CCDC12: variants seen among roughly 807,000 people sequenced by gnomAD.
The protein encoded by CCDC12 is coiled-coil domain-containing protein 12.
CCDC12 carries 28 observed loss-of-function variants against 25.7 expected under a neutral mutation model. That is an observed-to-expected ratio of 1.09 (90% CI 0.81 to 1.50). The LOEUF is 1.50. CCDC12 is among the 40% of genes most tolerant of loss of function. CCDC12 has a pLI of 0.00. For missense variants in CCDC12, 198 were observed against 210.0 expected (o/e 0.94, Z 0.35); for synonymous variants, 75 against 87.7 (o/e 0.86, Z 0.81).
intron 3 of CCDC12, chr3:46,925,103 C>G (rs1212885501): frequency 2.4e-6 from 1 of 423,490 alleles, no homozygotes; most frequent in African/African-American, 2.0e-5. Flanking sequence ...CCCACAGGAC[C>G]CATCACCCTG....
chr3:46,964,730 T>C (rs945565531), intron 1 of CCDC12, among the ~76,000 whole-genome samples: 3 of 152,136 alleles, frequency 2.0e-5, no homozygotes, highest in Non-Finnish European at 4.4e-5. Flanking sequence ...AGATGTGCTT[T>C]GTTAAACAGA....
chr3:46,962,443 A>AAAAT, intron 1 of CCDC12, among the ~76,000 whole-genome samples: 1 of 151,044 alleles, frequency 6.6e-6, no homozygotes, highest in Non-Finnish European at 1.5e-5. Flanking sequence ...TCAAAAAAAA[A>AAAAT]AAAAAAAAAA....
intron 2 of CCDC12, among the ~76,000 whole-genome samples, chr3:46,934,069 GC>G (rs1218774523): frequency 6.6e-6 from 1 of 152,186 alleles, no homozygotes; most frequent in African/African-American, 2.4e-5. Context: ...ACAGGCGTGA[GC>G]CACAGCACCC....
chr3:46,940,519 C>T (rs2033657913), intron 2 of CCDC12: 1 of 162,100 alleles, frequency 6.2e-6, no homozygotes, highest in African/African-American at 2.4e-5. Flanking sequence ...TGAGAAGGAC[C>T]TCCAGGCTGA....
intron 1 of CCDC12, among the ~76,000 whole-genome samples, chr3:46,955,924 C>G (rs1056579408): frequency 7.2e-5 from 11 of 152,360 alleles, no homozygotes; most frequent in Admixed American, 5.2e-4. Context: ...ACCAGGGCCT[C>G]TGGCCCCCAC....
intron 1 of CCDC12, among the ~76,000 whole-genome samples, chr3:46,944,288 G>A (rs1202598304): frequency 1.3e-5 from 2 of 152,088 alleles, no homozygotes; most frequent in African/African-American, 4.8e-5. Flanking sequence ...CCAAGGAGAC[G>A]AGAGAGAGGC....
chr3:46,944,499 A>G (rs1005146028), intron 1 of CCDC12, among the ~76,000 whole-genome samples: 1 of 152,038 alleles, frequency 6.6e-6, no homozygotes, highest in Non-Finnish European at 1.5e-5. Flanking sequence ...AGGAATTTAG[A>G]GACACTTCGC....
intron 2 of CCDC12, 39 bp from the exon 3 acceptor site, chr3:46,925,574 G>A (rs943421399): frequency 2.1e-6 from 3 of 1,443,598 alleles, no homozygotes; most frequent in Non-Finnish European, 2.8e-6. Flanking sequence ...TGAAGTCAGT[G>A]TGTGACATGG....
At chr3:46,980,653 C>G (rs7631423), upstream of CCDC12, among the ~76,000 whole-genome samples, 56,895 of 152,096 alleles carry the variant, frequency 0.37, 11,220 homozygotes, top group Middle Eastern at 0.53. Flanking sequence ...CTGAGCTCCC[C>G]ACCCATCTCA....
upstream of CCDC12, among the ~76,000 whole-genome samples, chr3:46,979,233 A>G (rs1257799371): frequency 5.3e-5 from 8 of 152,232 alleles, no homozygotes; most frequent in African/African-American, 1.9e-4. Flanking sequence ...TCCCGCCATC[A>G]CACTCCACAA....
chr3:46,970,691 G>A (rs1250764272), intron 1 of CCDC12, among the ~76,000 whole-genome samples: 10 of 152,176 alleles, frequency 6.6e-5, no homozygotes, highest in Non-Finnish European at 8.8e-5. Context: ...CAGGGCAATC[G>A]CTCAGGAAAG....
intron 1 of CCDC12, among the ~76,000 whole-genome samples, chr3:46,960,875 G>A (rs2034442501): frequency 6.6e-6 from 1 of 151,396 alleles, no homozygotes; most frequent in Non-Finnish European, 1.5e-5. Flanking sequence ...AGGTATAAAG[G>A]TGGTGCTGCT....
intron 1 of CCDC12, among the ~76,000 whole-genome samples, chr3:46,960,779 G>C (rs2034439834): frequency 6.6e-6 from 1 of 152,248 alleles, no homozygotes; most frequent in Non-Finnish European, 1.5e-5. Context: ...GGGTCTCCCA[G>C]ATCTCCGAAC....
chr3:46,946,622 A>C (rs994654018), intron 1 of CCDC12, among the ~76,000 whole-genome samples: 1 of 152,246 alleles, frequency 6.6e-6, no homozygotes, highest in African/African-American at 2.4e-5. Context: ...TGAGCCCAGC[A>C]TGAGGGCCGA....
chr3:46,951,798 A>AATATATATATAT (rs1553649460), intron 1 of CCDC12, among the ~76,000 whole-genome samples: 36 of 8,410 alleles, frequency 4.3e-3, no homozygotes, highest in African/African-American at 6.2e-3. Context: ...AAAAAAAAAA[A>AATATATATATAT]ATATATATAT....
chr3:46,958,740 T>C (rs1452495361), intron 1 of CCDC12, among the ~76,000 whole-genome samples: 1 of 152,026 alleles, frequency 6.6e-6, no homozygotes, highest in Non-Finnish European at 1.5e-5. Flanking sequence ...TGTTAAGTGT[T>C]CTATGAGCTT....
intron 1 of CCDC12, among the ~76,000 whole-genome samples, chr3:46,946,390 A>G (rs2033908483): frequency 6.6e-6 from 1 of 152,266 alleles, no homozygotes; most frequent in African/African-American, 2.4e-5. Context: ...TTGTCGGGGA[A>G]GGAAGTAATG....
chr3:46,971,713 G>A (rs1434787769), intron 1 of CCDC12, among the ~76,000 whole-genome samples: 6 of 152,106 alleles, frequency 3.9e-5, no homozygotes, highest in East Asian at 1.9e-4. Flanking sequence ...AATTCCTAAG[G>A]CCTCCAGCAA....
chr3:46,928,366 C>T (rs1418428003), intron 2 of CCDC12, among the ~76,000 whole-genome samples: 2 of 152,202 alleles, frequency 1.3e-5, no homozygotes, highest in Non-Finnish European at 2.9e-5. Flanking sequence ...ACATCACGTC[C>T]CTCTTTCCCC....
Sources: gnomAD v4.1 joint callset for allele counts (sites outside exome capture counted in the v4.1 genomes callset) on GRCh38, gnomAD v4.1.1 for gene constraint, MANE v1.5 for transcripts, NCBI Gene and HGNC (gene_info 2026-07-23, HGNC 2026-07-21) for gene names.